RUSC2: variants seen among roughly 807,000 people sequenced by gnomAD.
The protein encoded by RUSC2 is AP-4 complex accessory subunit RUSC2.
In RUSC2, 34 loss-of-function variants were observed where a neutral mutation model predicts 122.2. The ratio of observed to expected loss-of-function variants is 0.28; its 90% CI spans 0.21 to 0.37. The LOEUF (loss-of-function observed/expected upper bound fraction) is 0.37. RUSC2 is among the 10% of genes least tolerant of loss of function. RUSC2 has a pLI of 1.00. For synonymous variants in RUSC2, 784 were observed against 790.0 expected, an observed-to-expected ratio of 0.99 and a Z score of 0.13; for missense variants, 1,747 against 1,952.4, an observed-to-expected ratio of 0.89 and a Z score of 1.98.
intron 1 of RUSC2, among the ~76,000 whole-genome samples, chr9:35,490,887 C>A (rs1820553476): frequency 6.6e-6 from 1 of 152,168 alleles, no homozygotes; most frequent in Admixed American, 6.5e-5. Flanking sequence ...GGGGCAAGGA[C>A]GGTACACTAC....
intron 1 of RUSC2, among the ~76,000 whole-genome samples, chr9:35,513,188 GTTT>G (rs1169906704): frequency 7.3e-6 from 1 of 136,324 alleles, no homozygotes; most frequent in Non-Finnish European, 1.6e-5. Flanking sequence ...ATTATACTTT[GTTT>G]TGTTGTTGTT....
At chr9:35,519,682 G>A (rs897749347) in intron 1 of RUSC2, among the ~76,000 whole-genome samples, 9 of 152,100 alleles carry the variant, frequency 5.9e-5, no homozygotes, top group African/African-American at 2.2e-4. Flanking sequence ...TAGATTTTCT[G>A]GGAAATTGGG....
At position 35,555,025 on chromosome 9, in the gene RUSC2, T is replaced by C. The variant is rs1821978434; in HGVS notation, c.2015-35T>C. 2.5e-6 allele frequency: 4 copies of C among 1,604,682 alleles called. No individual in the cohort carries two copies. Among genetic ancestry groups the C allele is most frequent in the Admixed American group, 1.7e-5 (1 of 59,634 alleles). On this transcript the variant is annotated intron_variant, in intron 2 of 11. Transcript: ENST00000361226. The surrounding 1 kb of genome is among the most constrained non-coding windows in gnomAD (Gnocchi z 4.6). Reference sequence around the variant, plus strand: ...TTTCTCTCATATGGGTTTCAGTGTCTGTCTACTGATTTCTTCTCCATCCCT... The same window carrying C: ...TTTCTCTCATATGGGTTTCAGTGTCCGTCTACTGATTTCTTCTCCATCCCT...
In RUSC2 at chr9:35,557,232, G is replaced by C. The variant is rs1225614980; in HGVS notation, c.2984-682G>C. Among the ~76,000 whole-genome samples the C allele has an allele frequency of 1.3e-5, 2 of 152,182 alleles. No individual in the cohort carries two copies. The highest frequency in any genetic ancestry group is 3.9e-4 in the East Asian group (2 of 5,192). The stretch of plus-strand genomic sequence containing the variant: ...TGTGGGCTGAAGATGAGCCTGTGAA[G>C]AGAGAGCTGAAGTTCCTTGCAAAGG... On this transcript the variant is annotated intron_variant, in intron 5 of 11. Coordinates refer to ENST00000361226, the MANE Select transcript of RUSC2 (RefSeq NM_014806.5). This position sits in a 1 kb window ranked among gnomAD's most constrained non-coding sequence, Gnocchi z 4.6.
chr9:35,490,906 G>C (rs1297110638), intron 1 of RUSC2, among the ~76,000 whole-genome samples: 1 of 152,150 alleles, frequency 6.6e-6, no homozygotes, highest in Non-Finnish European at 1.5e-5. Flanking sequence ...ACTCATCTTT[G>C]TATCCCCGGT....
Position 35,548,114 on chromosome 9 carries a change from G to A in RUSC2, c.1593G>A (p.Met531Ile), listed in dbSNP as rs146030842. Reference protein sequence around the residue: ...PVRLSEGPAAMAGPGSPPRRV... With the variant: ...PVRLSEGPAAIAGPGSPPRRV... Reference sequence around the variant, plus strand: ...GCTTGAGTGAGGGCCCTGCAGCCATGGCCGGGCCTGGCTCCCCACCCAGGA... The same window carrying A: ...GCTTGAGTGAGGGCCCTGCAGCCATAGCCGGGCCTGGCTCCCCACCCAGGA... Residue 531 changes from methionine (M) to isoleucine (I), a missense_variant, in exon 2 of 12, where the codon ATG (methionine) becomes ATA (isoleucine). Met to Ile is a conservative substitution (Grantham distance 10). Coordinates refer to ENST00000361226, the MANE Select transcript of RUSC2 (RefSeq NM_014806.5). The surrounding 1 kb of genome is among the most constrained non-coding windows in gnomAD (Gnocchi z 4.5). 4 of 1,613,076 alleles carry A rather than the reference G, an allele frequency of 2.5e-6. No homozygotes were observed. The African/African-American group carries it at 5.3e-5, about 22-fold the overall frequency.
chr9:35,556,238 C>T (rs1275390039), intron 4 of RUSC2, 70 bp from the exon 5 acceptor site: 40 of 1,599,276 alleles, frequency 2.5e-5, no homozygotes, highest in Non-Finnish European at 3.1e-5. Context: ...TCAGACGGTA[C>T]GAGGCACTGA....
chr9:35,501,842 CTTTAG>C (rs1407584930), intron 1 of RUSC2, among the ~76,000 whole-genome samples: 3 of 151,940 alleles, frequency 2.0e-5, no homozygotes, highest in Non-Finnish European at 4.4e-5. Context: ...TTTTTTCCTC[CTTTAG>C]TTTAGGACCT....
chr9:35,525,772 A>G (rs1039906705), intron 1 of RUSC2, among the ~76,000 whole-genome samples: 4 of 152,088 alleles, frequency 2.6e-5, no homozygotes, highest in African/African-American at 9.7e-5. Context: ...GCACTCCAGC[A>G]AGCCTCAGCC....
At chr9:35,556,266 G>A (rs1474493372) in intron 4 of RUSC2, 42 bp from the exon 5 acceptor site, 4 of 1,610,082 alleles carry the variant, frequency 2.5e-6, no homozygotes, top group Non-Finnish European at 3.4e-6. Flanking sequence ...TGGAACTCCT[G>A]CACTGAGAGT....
Position 35,555,791 on chromosome 9 carries a change from C to G in RUSC2, c.2656+90C>G. ...TTTGAGTGGTTGCTTACACTCTCAC[C>G]TGGGGCCAGAGGTTAGGATGTCTGC... is the stretch of plus-strand genomic sequence containing the variant. On this transcript the variant is annotated intron_variant, in intron 3 of 11. Transcript: ENST00000361226. This position sits in a 1 kb window ranked among gnomAD's most constrained non-coding sequence, Gnocchi z 4.6. 1 of 1,487,736 alleles carries G rather than the reference C, an allele frequency of 6.7e-7. No homozygotes were observed. The highest frequency in any genetic ancestry group is 1.3e-5 in the South Asian group (1 of 77,518). The allele number at this position is 1,487,736 out of a possible 1,614,324, so 92.2% of individuals were successfully genotyped here. A position where few individuals can be genotyped will look rare whatever the true frequency, so the allele number is the denominator to read the frequency against.
intron 1 of RUSC2, among the ~76,000 whole-genome samples, chr9:35,532,695 A>G (rs1821444289): frequency 6.6e-6 from 1 of 151,996 alleles, no homozygotes; most frequent in Non-Finnish European, 1.5e-5. Context: ...ACAGTGAGCC[A>G]AGATCAGCCA....
chr9:35,524,968 C>T (rs1480375234), intron 1 of RUSC2, among the ~76,000 whole-genome samples: 1 of 146,566 alleles, frequency 6.8e-6, no homozygotes, highest in Non-Finnish European at 1.5e-5. Context: ...GAGACTCCAT[C>T]TCAAAAAAAA....
Position 35,558,599 on chromosome 9 carries a change from C to A in RUSC2, c.3341+32C>A. ...GCACAGAGCAGCAAGATCCCCTAAACAACTTGCCCTGCCCCCCACCCCCGG... is the reference window on the plus strand; with the variant it reads ...GCACAGAGCAGCAAGATCCCCTAAAAAACTTGCCCTGCCCCCCACCCCCGG... On this transcript the variant is annotated intron_variant, in intron 8 of 11. Transcript: ENST00000361226. The surrounding 1 kb of genome is among the most constrained non-coding windows in gnomAD (Gnocchi z 4.3). 1 of 1,550,242 alleles carries A rather than the reference C, an allele frequency of 6.5e-7. No individual in the cohort carries two copies. Among genetic ancestry groups the A allele is most frequent in the Non-Finnish European group, 8.9e-7 (1 of 1,122,122 alleles).
At chr9:35,550,368 A>G (rs1245577300) in intron 2 of RUSC2, among the ~76,000 whole-genome samples, 1 of 151,866 alleles carries the variant, frequency 6.6e-6, no homozygotes, top group African/African-American at 2.4e-5. Context: ...ACTCATACCT[A>G]TAGTCCCAGC....
At chr9:35,526,823 A>G (rs533809465) in intron 1 of RUSC2, among the ~76,000 whole-genome samples, 1 of 152,330 alleles carries the variant, frequency 6.6e-6, no homozygotes, top group East Asian at 1.9e-4. Flanking sequence ...TACAGTTTAG[A>G]TACTTGTTAC....
intron 1 of RUSC2, among the ~76,000 whole-genome samples, chr9:35,497,085 G>C (rs772479885): frequency 6.6e-6 from 1 of 152,182 alleles, no homozygotes; most frequent in South Asian, 2.1e-4. Context: ...TGTAAAGTTT[G>C]ACGATCTGCA....
chr9:35,545,101 G>T (rs1821718748), intron 1 of RUSC2, among the ~76,000 whole-genome samples: 1 of 152,104 alleles, frequency 6.6e-6, no homozygotes, highest in Non-Finnish European at 1.5e-5. Flanking sequence ...TATTTTTTAT[G>T]CATTGTTTGT....
chr9:35,500,406 T>A (rs746034326), intron 1 of RUSC2, among the ~76,000 whole-genome samples: 5 of 152,130 alleles, frequency 3.3e-5, no homozygotes, highest in Non-Finnish European at 7.4e-5. Context: ...CAGGTCCCTC[T>A]CACAACACAT....
Sources: allele counts gnomAD v4.1 joint callset (sites outside exome capture counted in the v4.1 genomes callset), GRCh38; gene constraint gnomAD v4.1.1; non-coding constraint Gnocchi (gnomAD v3.1); transcripts MANE v1.5; gene names NCBI Gene and HGNC (gene_info 2026-07-23, HGNC 2026-07-21).